Variants in ADGRL4 observed in about 807,000 individuals in gnomAD.
The protein encoded by ADGRL4 is EGF, latrophilin and seven transmembrane domain containing 1.
In ADGRL4, 90 loss-of-function variants were observed where a neutral mutation model predicts 74.8. That is an observed-to-expected ratio of 1.20 (90% CI 1.02 to 1.43). The LOEUF (loss-of-function observed/expected upper bound fraction) is 1.43, where lower values mean the gene tolerates loss of function less well. ADGRL4 is among the 40% of genes most tolerant of loss of function. The pLI is 0.00. For synonymous variants in ADGRL4, 311 were observed against 279.2 expected (o/e 1.11, Z -1.14); for missense variants, 881 against 814.3 (o/e 1.08, Z -1.00).
chr1:78,973,200 A>C (rs1217421214), intron 2 of ADGRL4, among the ~76,000 whole-genome samples: 1 of 151,914 alleles, frequency 6.6e-6, no homozygotes, highest in African/African-American at 2.4e-5. Context: ...CTTACTTTCA[A>C]ATTTGTGTGT....
chr1:78,993,225 A>G (rs1650644760), intron 2 of ADGRL4, among the ~76,000 whole-genome samples: 1 of 152,122 alleles, frequency 6.6e-6, no homozygotes, highest in Admixed American at 6.6e-5. Flanking sequence ...GGAATACTTT[A>G]TTTCTTCCCA....
chr1:78,911,260 G>A (rs967914148), intron 12 of ADGRL4, among the ~76,000 whole-genome samples: 2 of 151,812 alleles, frequency 1.3e-5, no homozygotes, highest in Non-Finnish European at 2.9e-5. Context: ...GCTCTATAGA[G>A]ATTTCTTTTC....
intron 2 of ADGRL4, among the ~76,000 whole-genome samples, chr1:78,949,033 GAGA>G (rs1420769596): frequency 6.6e-6 from 1 of 152,036 alleles, no homozygotes; most frequent in African/African-American, 2.4e-5. Flanking sequence ...GGCATACTGG[GAGA>G]AGTTTATATT....
rs76533091 is a variant in ADGRL4, at chr1:78,902,903, C to T, written c.1750-9714G>A. 3.3e-4 allele frequency among the ~76,000 whole-genome samples: 50 copies of T among 152,034 alleles called. No individual in the cohort carries two copies. The East Asian group carries it at 9.7e-3, about 29-fold the overall frequency. On this transcript the variant is annotated intron_variant, in intron 12 of 14. Transcript: ENST00000370742. ...GGATTAAAGAATGTGGTAATTTTTC[C>T]TGTACTGGTGAACAACAAAGCTTTC...
At chr1:78,911,160 A>G (rs12562487) in intron 12 of ADGRL4, among the ~76,000 whole-genome samples, 18,170 of 151,820 alleles carry the variant, frequency 0.12, 1,467 homozygotes, top group East Asian at 0.25. Flanking sequence ...ATACCATTTA[A>G]GGCATTAGTC....
chr1:78,946,513 G>T, intron 2 of ADGRL4, 87 bp from the exon 3 acceptor site: 1 of 1,124,470 alleles, frequency 8.9e-7, no homozygotes, highest in Non-Finnish European at 1.3e-6. Context: ...AATATTGACT[G>T]TTAGATAGTT....
chr1:78,945,113 C>T lies in ADGRL4; in HGVS notation c.325+1161G>A, dbSNP rs550288122. 4.3e-4 allele frequency among the ~76,000 whole-genome samples: 63 copies of T among 147,882 alleles called. 1 individual carries two copies. Among genetic ancestry groups the T allele is most frequent in the African/African-American group, 1.4e-3 (57 of 40,278 alleles). On this transcript the variant is annotated intron_variant, in intron 3 of 14. Coordinates refer to ENST00000370742, the MANE Select transcript of ADGRL4 (RefSeq NM_022159.4). ...CTGGGAGGCAGAGGTTGCAGTGAGC[C>T]GAGATCGCACCACTGCACTCCAGCC...
chr1:78,992,394 A>G (rs1650624066), intron 2 of ADGRL4, among the ~76,000 whole-genome samples: 1 of 152,082 alleles, frequency 6.6e-6, no homozygotes, highest in Non-Finnish European at 1.5e-5. Context: ...ATTACCTTGC[A>G]ATAAATCCCA....
intron 2 of ADGRL4, among the ~76,000 whole-genome samples, chr1:78,953,437 A>C (rs1301532305): frequency 6.6e-6 from 1 of 152,236 alleles, no homozygotes; most frequent in Admixed American, 6.5e-5. Flanking sequence ...CTGCTAGTTC[A>C]CAAACGAAAA....
chr1:78,971,097 G>T (rs1226328833), intron 2 of ADGRL4, among the ~76,000 whole-genome samples: 1 of 152,062 alleles, frequency 6.6e-6, no homozygotes, highest in Non-Finnish European at 1.5e-5. Flanking sequence ...AAATGGTCAT[G>T]CAGTCATGTG....
chr1:78,968,157 A>G (rs1223325669), intron 2 of ADGRL4, among the ~76,000 whole-genome samples: 1 of 152,142 alleles, frequency 6.6e-6, no homozygotes, highest in East Asian at 1.9e-4. Flanking sequence ...ACATGCATCA[A>G]TTATAATTAA....
chr1:78,979,229 T>C (rs151188724), intron 2 of ADGRL4, among the ~76,000 whole-genome samples: 1,895 of 152,054 alleles, frequency 0.012, 53 homozygotes, highest in African/African-American at 0.043. Flanking sequence ...TTGTGTCCTT[T>C]CACTACTTAA....
chr1:79,005,494 A>G (rs1650939640), intron 1 of ADGRL4, among the ~76,000 whole-genome samples: 1 of 152,186 alleles, frequency 6.6e-6, no homozygotes, highest in African/African-American at 2.4e-5. Context: ...GCTTTATAAT[A>G]AAAACTGTGT....
Position 78,937,995 on chromosome 1 carries a change from T to A in ADGRL4, c.577-5A>T. On this transcript the variant is annotated splice_polypyrimidine_tract_variant and splice_region_variant and intron_variant, in intron 5 of 14. Coordinates refer to ENST00000370742, the MANE Select transcript of ADGRL4 (RefSeq NM_022159.4). Reference sequence around the variant, plus strand: ...ATTCACGGTTTTTACAAATTCCTATTGAAAAAAAGTATGTCTTTTAGAAAT... The same window carrying A: ...ATTCACGGTTTTTACAAATTCCTATAGAAAAAAAGTATGTCTTTTAGAAAT... 4 of 1,604,818 alleles carry A rather than the reference T, an allele frequency of 2.5e-6. No homozygotes were observed. Among genetic ancestry groups the A allele is most frequent in the Non-Finnish European group, 3.4e-6 (4 of 1,177,494 alleles).
intron 12 of ADGRL4, among the ~76,000 whole-genome samples, chr1:78,907,999 T>C (rs2100660481): frequency 6.6e-6 from 1 of 152,106 alleles, no homozygotes; most frequent in East Asian, 1.9e-4. Flanking sequence ...TGCACAATGT[T>C]TCCGTATGAG....
At chr1:78,938,013 T>C in intron 5 of ADGRL4, 23 bp from the exon 6 acceptor site, 1 of 1,607,810 alleles carries the variant, frequency 6.2e-7, no homozygotes, top group Non-Finnish European at 8.5e-7. Flanking sequence ...AGTATGTCTT[T>C]TAGAAATGTT....
intron 2 of ADGRL4, 62 bp downstream of exon 2, chr1:79,005,008 A>T: frequency 6.8e-7 from 1 of 1,465,698 alleles, no homozygotes; most frequent in Non-Finnish European, 9.3e-7. Context: ...AGGACAGAAA[A>T]GCAGTCCCAT....
In ADGRL4 at chr1:78,956,126, A is replaced by G. The variant is rs142550471; in HGVS notation, c.173-9700T>C. On this transcript the variant is annotated intron_variant, in intron 2 of 14. Coordinates refer to ENST00000370742, the MANE Select transcript of ADGRL4 (RefSeq NM_022159.4). ...ATGTATTGCATTTAGGAATGACATT[A>G]GTTATTAGTTATTGCATTTAGATAT... 2.8e-3 allele frequency among the ~76,000 whole-genome samples: 430 copies of G among 152,302 alleles called. 3 individuals carry two copies. Among genetic ancestry groups the G allele is most frequent in the African/African-American group, 1.0e-2 (414 of 41,580 alleles).
chr1:78,943,511 A>C (rs1649535016), intron 3 of ADGRL4, among the ~76,000 whole-genome samples: 2 of 152,208 alleles, frequency 1.3e-5, no homozygotes, highest in South Asian at 4.1e-4. Flanking sequence ...AAGGTAAAGA[A>C]TTTTGCTTGG....
Sources: allele counts gnomAD v4.1 joint callset (sites outside exome capture counted in the v4.1 genomes callset), GRCh38; gene constraint gnomAD v4.1.1; transcripts MANE v1.5; gene names NCBI Gene and HGNC (gene_info 2026-07-23, HGNC 2026-07-21).